Variants in TNRC6A observed in about 807,000 individuals in gnomAD.
TNRC6A encodes trinucleotide repeat-containing gene 6A protein.
A neutral mutation model predicts 221.2 loss-of-function variants in TNRC6A; 44 were observed. The observed-to-expected ratio is 0.20, with a 90% CI of 0.16 to 0.26. The LOEUF (loss-of-function observed/expected upper bound fraction) is 0.26. Among genes scored for constraint, TNRC6A ranks in the 10% least tolerant of loss-of-function variants. TNRC6A has a pLI of 1.00. For missense variants in TNRC6A, 2,199 were observed against 2,404.4 expected (o/e 0.91, Z 1.79); for synonymous variants, 847 against 838.5 (o/e 1.01, Z -0.18).
At chr16:24,755,015 TTGG>T (rs1019305480) in intron 3 of TNRC6A, among the ~76,000 whole-genome samples, 1 of 152,216 alleles carries the variant, frequency 6.6e-6, no homozygotes, top group African/African-American at 2.4e-5. Context: ...CTCAGTAACC[TTGG>T]TGGTAACATG....
intron 2 of TNRC6A, among the ~76,000 whole-genome samples, chr16:24,701,612 C>T (rs988617563): frequency 1.3e-5 from 2 of 152,114 alleles, no homozygotes; most frequent in African/African-American, 2.4e-5. Context: ...GCGATCTGCC[C>T]GTCTCAGCCT....
At chr16:24,661,744 T>C (rs936965280) in intron 2 of TNRC6A, 41 of 152,172 alleles carry the variant, frequency 2.7e-4, no homozygotes, top group African/African-American at 9.2e-4. Flanking sequence ...TAATATTCTG[T>C]AGTGTAAATG....
chr16:24,621,387 C>T (rs1349079605), intron 1 of TNRC6A, among the ~76,000 whole-genome samples: 2 of 121,976 alleles, frequency 1.6e-5, no homozygotes, highest in African/African-American at 6.3e-5. Flanking sequence ...GAGACAGAGT[C>T]TCTCTCTGTC....
intron 2 of TNRC6A, among the ~76,000 whole-genome samples, chr16:24,739,056 G>A (rs1372960472): frequency 2.0e-5 from 3 of 152,142 alleles, no homozygotes; most frequent in African/African-American, 2.4e-5. Flanking sequence ...GGGTTTCACT[G>A]TGTTGCTCAG....
At position 24,823,487 on chromosome 16, in the gene TNRC6A, A is replaced by C; in HGVS notation, c.5569A>C (p.Ser1857Arg). The C allele has an allele frequency of 6.2e-7, 1 of 1,614,116 alleles. No individual in the cohort carries two copies. Among genetic ancestry groups the C allele is most frequent in the Non-Finnish European group, 8.5e-7 (1 of 1,180,012 alleles). Residue 1857 changes from serine (S) to arginine (R), a missense_variant, in exon 25 of 25, where the codon AGT becomes CGT. Ser to Arg is a moderately radical substitution (Grantham distance 110, BLOSUM62 -1). This residue lies in a region of TNRC6A where 20 missense variants were observed against 25.6 expected (regional missense o/e 0.78). Coordinates refer to ENST00000395799, the MANE Select transcript of TNRC6A (RefSeq NM_014494.4). This position sits in a 1 kb window ranked among gnomAD's most constrained non-coding sequence, Gnocchi z 4.3. ...TGAGTTTGCCAGTGAAGAGGAGATC[A>C]GTCGTTTCTTTGCACAAAGCCAGTC... ...LAEFASEEEI[S>R]RFFAQSQSLT... is the part of the protein sequence containing the mutation.
intron 2 of TNRC6A, among the ~76,000 whole-genome samples, chr16:24,690,024 AAAATT>A (rs2055723356): frequency 3.7e-5 from 3 of 80,692 alleles, no homozygotes; most frequent in South Asian, 3.7e-4. Flanking sequence ...AAAAAAAAAA[AAAATT>A]TTTTTTTTTT....
In TNRC6A at chr16:24,790,228, A is replaced by C; in HGVS notation, c.1586A>C (p.Tyr529Ser). ...GTTWGAYGSN[Y>S]SGDKCSGPNG... ...ACATGGGGTGCCTATGGTTCTAATT[A>C]CTCTGGAGACAAATGTTCAGGCCCT... The change falls in exon 6 of 25, where the codon TAC (tyrosine) becomes TCC (serine). Residue 529 changes from tyrosine (Y) to serine (S), a missense_variant. Tyr to Ser is a moderately radical substitution (Grantham distance 144, BLOSUM62 -2). Around this residue, in one of 8 missense-constraint regions of TNRC6A, gnomAD observed 1,405 missense variants for 1,400.2 expected, o/e 1.00. Coordinates refer to ENST00000395799, the MANE Select transcript of TNRC6A (RefSeq NM_014494.4). 1 of 1,614,154 alleles carries C rather than the reference A, an allele frequency of 6.2e-7. No individual in the cohort carries two copies. Among genetic ancestry groups the C allele is most frequent in the East Asian group, 2.2e-5 (1 of 44,878 alleles).
chr16:24,724,851 C>G (rs2056466839), upstream of TNRC6A, among the ~76,000 whole-genome samples: 1 of 152,004 alleles, frequency 6.6e-6, no homozygotes, highest in Non-Finnish European at 1.5e-5. Flanking sequence ...TATGCATGAG[C>G]CTTGCCTAAA....
At chr16:24,730,205 TTGTG>T (rs1298470940) in intron 1 of TNRC6A, 44 bp from the exon 2 acceptor site, 2 of 1,564,228 alleles carry the variant, frequency 1.3e-6, no homozygotes, top group Non-Finnish European at 1.7e-6. Context: ...CATCTCGTTT[TTGTG>T]TGTGTGTTTT....
At chr16:24,800,682 C>T (rs1014680594) in intron 11 of TNRC6A, among the ~76,000 whole-genome samples, 4 of 152,196 alleles carry the variant, frequency 2.6e-5, no homozygotes, top group African/African-American at 9.7e-5. Context: ...GGGAAATCTG[C>T]CCTCTAGAGT....
chr16:24,791,221 C>G lies in TNRC6A; in HGVS notation c.2579C>G (p.Thr860Ser). 6.2e-7 allele frequency: 1 copy of G among 1,614,172 alleles called. No homozygotes were observed. Among genetic ancestry groups the G allele is most frequent in the East Asian group, 2.2e-5 (1 of 44,884 alleles). ...TCTGCCAGTGATAACTGGGGAGAAA[C>G]TTCAAGGAATAACCATTGGGGTGAG... ...SVSASDNWGE[T>S]SRNNHWGEAN... Residue 860 changes from threonine (T) to serine (S), a missense_variant, in exon 6 of 25, where the codon ACT (threonine) becomes AGT (serine). Thr to Ser is a moderately conservative substitution (Grantham distance 58). This residue lies in a region of TNRC6A where 1,405 missense variants were observed against 1,400.2 expected (regional missense o/e 1.00). Transcript: ENST00000395799.
intron 11 of TNRC6A, among the ~76,000 whole-genome samples, chr16:24,802,521 C>T (rs1468967277): frequency 6.6e-6 from 1 of 152,138 alleles, no homozygotes; most frequent in African/African-American, 2.4e-5. Context: ...TACGCTCCAG[C>T]CTGGGCAGCA....
intron 14 of TNRC6A, 192 bp downstream of exon 14, chr16:24,805,343 C>T: frequency 9.9e-7 from 1 of 1,005,730 alleles, no homozygotes; most frequent in Non-Finnish European, 1.4e-6. Context: ...CAAAATTTAC[C>T]ATTTTCTTCT....
intron 1 of TNRC6A, among the ~76,000 whole-genome samples, chr16:24,634,145 A>C (rs965155075): frequency 6.6e-6 from 1 of 152,118 alleles, no homozygotes; most frequent in African/African-American, 2.4e-5. Context: ...TTGATCAATA[A>C]ATTTCAAAAT....
intron 2 of TNRC6A, among the ~76,000 whole-genome samples, chr16:24,660,735 T>C (rs1272494004): frequency 7.4e-6 from 1 of 134,600 alleles, no homozygotes; most frequent in Non-Finnish European, 1.5e-5. Context: ...TTTCTTTTTT[T>C]TTTCTTTTTT....
intron 5 of TNRC6A, among the ~76,000 whole-genome samples, chr16:24,782,828 C>A (rs998200516): frequency 6.6e-6 from 1 of 151,990 alleles, no homozygotes. Context: ...GCCGAGATCG[C>A]GCCACTGCAC....
intron 2 of TNRC6A, among the ~76,000 whole-genome samples, chr16:24,696,591 C>A (rs553991280): frequency 6.6e-6 from 1 of 150,502 alleles, no homozygotes; most frequent in Non-Finnish European, 1.5e-5. Flanking sequence ...ATTAGCCACG[C>A]GTGGTGGCTC....
intron 2 of TNRC6A, among the ~76,000 whole-genome samples, chr16:24,691,059 C>T (rs568966181): frequency 3.3e-5 from 5 of 152,130 alleles, no homozygotes; most frequent in Non-Finnish European, 7.4e-5. Flanking sequence ...ATCCACCCGC[C>T]TCGGCCTCCC....
At chr16:24,611,272 G>A (rs969771971) in intron 1 of TNRC6A, among the ~76,000 whole-genome samples, 2 of 152,172 alleles carry the variant, frequency 1.3e-5, no homozygotes, top group African/African-American at 2.4e-5. Context: ...AGGACTTGGT[G>A]ATTGGAAATG....
Sources: gnomAD v4.1 joint callset for allele counts (sites outside exome capture counted in the v4.1 genomes callset) on GRCh38, gnomAD v4.1.1 for gene constraint, gnomAD v4.1.1 regional missense constraint, Gnocchi (gnomAD v3.1) non-coding constraint, MANE v1.5 for transcripts, NCBI Gene and HGNC (gene_info 2026-07-23, HGNC 2026-07-21) for gene names.